Variants in TEAD1 observed in about 807,000 individuals in gnomAD.
The protein encoded by TEAD1 is transcriptional enhancer factor TEF-1.
Under a neutral mutation model 54.9 loss-of-function variants are expected in TEAD1, and 9 were observed. That is an observed-to-expected ratio of 0.16 (90% confidence interval 0.10 to 0.29). The LOEUF is 0.29. Among genes scored for constraint, TEAD1 ranks in the 10% least tolerant of loss-of-function variants. TEAD1 has a pLI of 1.00. For synonymous variants in TEAD1, 200 were observed against 187.8 expected (o/e 1.07, Z -0.53); for missense variants, 387 against 535.9 (o/e 0.72, Z 2.74).
At chr11:12,716,458 C>A (rs920308788) in intron 2 of TEAD1, among the ~76,000 whole-genome samples, 6 of 152,160 alleles carry the variant, frequency 3.9e-5, no homozygotes, top group African/African-American at 1.4e-4. Flanking sequence ...AAGAAGTAAT[C>A]CTTTTTATTT....
intron 5 of TEAD1, among the ~76,000 whole-genome samples, chr11:12,865,845 T>G (rs1400736920): frequency 6.6e-6 from 1 of 152,248 alleles, no homozygotes; most frequent in African/African-American, 2.4e-5. Context: ...TGGCACATAT[T>G]GATGGCTTTC....
intron 3 of TEAD1, among the ~76,000 whole-genome samples, chr11:12,824,708 A>G (rs1207434747): frequency 1.3e-5 from 2 of 152,134 alleles, no homozygotes; most frequent in Admixed American, 6.5e-5. Context: ...CCAGATTGCT[A>G]GAGCCCCATT....
At chr11:12,832,804 G>A (rs1165419026) in intron 3 of TEAD1, among the ~76,000 whole-genome samples, 1 of 152,114 alleles carries the variant, frequency 6.6e-6, no homozygotes, top group African/African-American at 2.4e-5. Flanking sequence ...TTTCCATCTC[G>A]TTCAAACACC....
At chr11:12,903,279 G>A (rs902646590) in intron 10 of TEAD1, among the ~76,000 whole-genome samples, 91 of 152,060 alleles carry the variant, frequency 6.0e-4, no homozygotes, top group Non-Finnish European at 6.8e-4. Flanking sequence ...CTGTTTCCTC[G>A]TTGCATAATC....
intron 4 of TEAD1, chr11:12,864,615 C>CTTTTTTGTTT: frequency 1.1e-6 from 1 of 911,152 alleles, no homozygotes; most frequent in Non-Finnish European, 1.5e-6. Context: ...ATTTGATTTC[C>CTTTTTTGTTT]TTTTTTGTTT....
At chr11:12,912,381 A>G (rs2134143816) in intron 10 of TEAD1, among the ~76,000 whole-genome samples, 1 of 152,274 alleles carries the variant, frequency 6.6e-6, no homozygotes, top group East Asian at 1.9e-4. Context: ...GCCTGAGAAC[A>G]TTTCGGAAGG....
intron 2 of TEAD1, among the ~76,000 whole-genome samples, chr11:12,690,556 G>C (rs1590055256): frequency 6.6e-6 from 1 of 152,118 alleles, no homozygotes; most frequent in East Asian, 1.9e-4. Context: ...TCCTATAAAT[G>C]GGAAATTTAG....
chr11:12,776,797 T>C (rs1213943524), intron 3 of TEAD1, among the ~76,000 whole-genome samples: 2 of 119,874 alleles, frequency 1.7e-5, no homozygotes, highest in Non-Finnish European at 3.0e-5. Context: ...ATTATTATTA[T>C]TATCATTATT....
chr11:12,845,167 C>T (rs987591970), intron 3 of TEAD1, among the ~76,000 whole-genome samples: 13 of 151,856 alleles, frequency 8.6e-5, no homozygotes, highest in African/African-American at 3.1e-4. Context: ...GTTTCACCAT[C>T]TTGGCCAGGC....
chr11:12,923,714 G>C (rs1264406591), intron 10 of TEAD1, among the ~76,000 whole-genome samples: 1 of 152,158 alleles, frequency 6.6e-6, no homozygotes, highest in Non-Finnish European at 1.5e-5. Context: ...CGAATCTGTA[G>C]CATCTGGTGG....
intron 3 of TEAD1, among the ~76,000 whole-genome samples, chr11:12,803,599 G>A (rs917562812): frequency 3.3e-5 from 5 of 152,244 alleles, no homozygotes; most frequent in South Asian, 2.1e-4. Flanking sequence ...GGCTCATGGC[G>A]CCAGCTGTGT....
At chr11:12,883,784 C>T (rs1227455767) in intron 9 of TEAD1, among the ~76,000 whole-genome samples, 71 of 152,114 alleles carry the variant, frequency 4.7e-4, no homozygotes, top group Middle Eastern at 6.8e-3. Flanking sequence ...GAGGCCGAGG[C>T]AGGTGGATCA....
intron 11 of TEAD1, among the ~76,000 whole-genome samples, chr11:12,929,823 G>A (rs1043316540): frequency 1.3e-5 from 2 of 152,086 alleles, no homozygotes; most frequent in Non-Finnish European, 2.9e-5. Flanking sequence ...GATTTTCTTT[G>A]AAGAACTGTA....
In TEAD1 at chr11:12,943,597, C is replaced by G. The variant is rs928965408; in HGVS notation, c.*6375C>G. 6.6e-6 allele frequency: 1 copy of G among 152,208 alleles called. No individual in the cohort carries two copies. The highest frequency in any genetic ancestry group is 1.5e-5 in the Non-Finnish European group (1 of 68,046). 9.4% of individuals were successfully genotyped at this position (152,208 alleles called of 1,614,324 possible). ...TTGAGATGGCATTTATGTTTCCTCT[C>G]GTTTATCATGAAATGGGGTCAGATT... On this transcript the variant is annotated 3_prime_UTR_variant, in exon 13 of 13. Transcript: ENST00000527636.
At chr11:12,921,582 A>C (rs1170684342) in intron 10 of TEAD1, among the ~76,000 whole-genome samples, 1 of 151,762 alleles carries the variant, frequency 6.6e-6, no homozygotes, top group Non-Finnish European at 1.5e-5. Flanking sequence ...CACAGGCTAC[A>C]TCATAATAAT....
intron 3 of TEAD1, chr11:12,823,312 CT>C (rs1378412443): frequency 1.3e-5 from 2 of 152,226 alleles, no homozygotes; most frequent in Non-Finnish European, 2.9e-5. Context: ...CTTCTGAGCT[CT>C]GATTTCTTGC....
At chr11:12,781,702 C>T (rs1183699233) in intron 3 of TEAD1, among the ~76,000 whole-genome samples, 1 of 150,092 alleles carries the variant, frequency 6.7e-6, no homozygotes, top group Admixed American at 6.6e-5. Flanking sequence ...AAATGGGAAC[C>T]CTCACAGGTC....
intron 10 of TEAD1, among the ~76,000 whole-genome samples, chr11:12,909,454 C>T (rs2134139166): frequency 6.8e-6 from 1 of 147,032 alleles, no homozygotes; most frequent in East Asian, 2.0e-4. Context: ...TGTTTTCACT[C>T]ATAAGTGGGA....
chr11:12,836,401 C>T (rs1946892883), intron 3 of TEAD1, among the ~76,000 whole-genome samples: 1 of 141,092 alleles, frequency 7.1e-6, no homozygotes, highest in East Asian at 2.1e-4. Flanking sequence ...GCCTGGGTGA[C>T]AGAGCGAGAC....
Sources: allele counts gnomAD v4.1 joint callset (sites outside exome capture counted in the v4.1 genomes callset), GRCh38; gene constraint gnomAD v4.1.1; transcripts MANE v1.5; gene names NCBI Gene and HGNC (gene_info 2026-07-23, HGNC 2026-07-21).